Variants in VPS50 observed in about 807,000 individuals in gnomAD.
VPS50 encodes the protein syndetin.
VPS50 carries 70 observed loss-of-function variants against 139.7 expected under a neutral mutation model. That is an observed-to-expected ratio of 0.50 (90% CI 0.41 to 0.61). The LOEUF is 0.61. VPS50 is among the 20% of genes least tolerant of loss of function. The pLI, the probability that VPS50 is intolerant of heterozygous loss-of-function variation, is 0.00. For missense variants in VPS50, 921 were observed against 1,133.7 expected, an observed-to-expected ratio of 0.81 and a Z score of 2.69; for synonymous variants, 365 against 376.7, an observed-to-expected ratio of 0.97 and a Z score of 0.36.
At chr7:93,237,218 A>T (rs1351752765) in intron 1 of VPS50, among the ~76,000 whole-genome samples, 1 of 150,824 alleles carries the variant, frequency 6.6e-6, no homozygotes, top group African/African-American at 2.4e-5. Context: ...GGCCTCCCAA[A>T]GTGCTGGGAT....
At chr7:93,277,780 A>G (rs1584418501) in intron 12 of VPS50, among the ~76,000 whole-genome samples, 1 of 152,150 alleles carries the variant, frequency 6.6e-6, no homozygotes, top group African/African-American at 2.4e-5. Flanking sequence ...TTTTAGGTAT[A>G]GCTATCATTT....
At chr7:93,296,649 C>G (rs1796819966) in intron 14 of VPS50, 93 bp from the exon 15 acceptor site, 1 of 1,509,294 alleles carries the variant, frequency 6.6e-7, no homozygotes, top group Non-Finnish European at 8.8e-7. Flanking sequence ...ATATTCCTGT[C>G]TCATTTTAAT....
intron 2 of VPS50, among the ~76,000 whole-genome samples, chr7:93,245,749 G>C (rs185624687): frequency 3.9e-5 from 6 of 151,922 alleles, no homozygotes; most frequent in Admixed American, 2.6e-4. Context: ...AAACAGGGTA[G>C]GCTTTAAAAG....
chr7:93,356,106 AG>A, intron 27 of VPS50, 26 bp downstream of exon 27: 1 of 1,183,306 alleles, frequency 8.5e-7, no homozygotes, highest in Non-Finnish European at 1.2e-6. Context: ...TAGTTAATTA[AG>A]TTTTTATTCC....
intron 23 of VPS50, among the ~76,000 whole-genome samples, chr7:93,346,037 T>C (rs988110234): frequency 1.3e-5 from 2 of 152,190 alleles, no homozygotes; most frequent in Non-Finnish European, 2.9e-5. Context: ...GAAGTCAAAT[T>C]GTCCCTGTTT....
At chr7:93,344,627 C>T (rs536298231) in intron 23 of VPS50, among the ~76,000 whole-genome samples, 103 of 151,974 alleles carry the variant, frequency 6.8e-4, no homozygotes, top group Admixed American at 2.2e-3. Context: ...TTATAACAAA[C>T]TATCTCTCAG....
At chr7:93,305,698 T>TTA in intron 17 of VPS50, 130 bp from the exon 18 acceptor site, 1 of 701,026 alleles carries the variant, frequency 1.4e-6, no homozygotes. Flanking sequence ...CTTGAAAGAT[T>TTA]TAAAAGTCAA....
At chr7:93,288,433 A>G (rs1474586599) in intron 12 of VPS50, among the ~76,000 whole-genome samples, 1 of 152,182 alleles carries the variant, frequency 6.6e-6, no homozygotes, top group Non-Finnish European at 1.5e-5. Flanking sequence ...TAATCCTTTA[A>G]TAAATAACAT....
chr7:93,333,017 TATG>T (rs1797980046), intron 21 of VPS50, among the ~76,000 whole-genome samples: 2 of 152,242 alleles, frequency 1.3e-5, no homozygotes, highest in Non-Finnish European at 2.9e-5. Context: ...GGAACTCTAT[TATG>T]GTGCTGGTTG....
At chr7:93,325,458 A>C (rs917864734) in intron 21 of VPS50, among the ~76,000 whole-genome samples, 2 of 151,932 alleles carry the variant, frequency 1.3e-5, no homozygotes, top group Admixed American at 6.6e-5. Context: ...ATGGGATCTA[A>C]TTAAACTAAA....
chr7:93,299,406 A>G (rs1796910566), intron 16 of VPS50, among the ~76,000 whole-genome samples: 1 of 152,184 alleles, frequency 6.6e-6, no homozygotes, highest in Non-Finnish European at 1.5e-5. Flanking sequence ...ATAAATACTG[A>G]AAAACTGTAT....
chr7:93,264,999 A>G (rs1795797912), intron 9 of VPS50, among the ~76,000 whole-genome samples: 2 of 152,178 alleles, frequency 1.3e-5, no homozygotes, highest in East Asian at 3.8e-4. Context: ...TGTTTTAAAT[A>G]ATGTAAAATA....
At position 93,277,049 on chromosome 7, in the gene VPS50, C is replaced by T. The variant is rs558760566; in HGVS notation, c.942+744C>T. 2.0e-5 allele frequency among the ~76,000 whole-genome samples: 3 copies of T among 152,100 alleles called. No homozygotes were observed. In the East Asian group the frequency reaches 5.8e-4, roughly 29 times the overall value. On this transcript the variant is annotated intron_variant, in intron 12 of 27. Transcript: ENST00000305866. ...CATCAGCATCTACTTGTATTTAAAG[C>T]CCTGATACCAGGTAAGAAGATTGAG...
At chr7:93,256,356 G>A in intron 4 of VPS50, 153 bp from the exon 5 acceptor site, 1 of 449,428 alleles carries the variant, frequency 2.2e-6, no homozygotes, top group Non-Finnish European at 3.9e-6. Flanking sequence ...TCATAGCCCA[G>A]GGAAATGTGT....
chr7:93,322,872 G>A (rs1797658614), intron 20 of VPS50, among the ~76,000 whole-genome samples: 1 of 152,088 alleles, frequency 6.6e-6, no homozygotes, highest in Non-Finnish European at 1.5e-5. Context: ...TAGCAAGTTT[G>A]TAAATGCAGA....
intron 12 of VPS50, among the ~76,000 whole-genome samples, chr7:93,287,460 T>A (rs1398529634): frequency 6.6e-6 from 1 of 151,538 alleles, no homozygotes; most frequent in Non-Finnish European, 1.5e-5. Flanking sequence ...TATAATGAGC[T>A]GGACAGTGGT....
At chr7:93,353,444 T>A (rs1003792185) in intron 25 of VPS50, among the ~76,000 whole-genome samples, 196 bp from the exon 26 acceptor site, 1 of 152,224 alleles carries the variant, frequency 6.6e-6, no homozygotes, top group African/African-American at 2.4e-5. Context: ...TACTATAACA[T>A]AATCTATTTA....
chr7:93,318,284 G>A (rs1395238762), intron 20 of VPS50, among the ~76,000 whole-genome samples: 1 of 152,088 alleles, frequency 6.6e-6, no homozygotes, highest in Non-Finnish European at 1.5e-5. Flanking sequence ...CAACATTGGA[G>A]ATTTGGGGGG....
intron 22 of VPS50, among the ~76,000 whole-genome samples, chr7:93,338,908 C>G (rs560833346): frequency 6.6e-6 from 1 of 152,048 alleles, no homozygotes; most frequent in Non-Finnish European, 1.5e-5. Flanking sequence ...TGCTAAGGAG[C>G]CTGTGACCTG....
Sources: gnomAD v4.1 joint callset for allele counts (sites outside exome capture counted in the v4.1 genomes callset) on GRCh38, gnomAD v4.1.1 for gene constraint, MANE v1.5 for transcripts, NCBI Gene and HGNC (gene_info 2026-07-23, HGNC 2026-07-21) for gene names.